The following PTPRN2 variants were observed in gnomAD, a reference collection of about 807,000 sequenced individuals.
PTPRN2 encodes protein tyrosine phosphatase receptor type N2, also known as receptor-type tyrosine-protein phosphatase N2.
A neutral mutation model predicts 118.8 loss-of-function variants in PTPRN2; 74 were observed. That is an observed-to-expected ratio of 0.62 (90% CI 0.52 to 0.76). The LOEUF is 0.76. Among genes scored for constraint, PTPRN2 ranks in the 30% least tolerant of loss-of-function variants. PTPRN2 has a pLI of 0.00. For synonymous variants in PTPRN2, 641 were observed against 608.0 expected (o/e 1.05, Z -0.80); for missense variants, 1,481 against 1,394.4 (o/e 1.06, Z -0.99).
intron 2 of PTPRN2, among the ~76,000 whole-genome samples, chr7:158,392,358 G>A (rs1811995123): frequency 6.6e-6 from 1 of 152,182 alleles, no homozygotes; most frequent in African/African-American, 2.4e-5. Context: ...GACCGTGGCT[G>A]AGCGGCAGGC....
chr7:157,615,931 C>T lies in PTPRN2; in HGVS notation c.2344+5431G>A. The T allele has an allele frequency of 3.7e-6, 1 of 269,578 alleles. No homozygotes were observed. Among genetic ancestry groups the T allele is most frequent in the Non-Finnish European group, 7.3e-6 (1 of 137,186 alleles). 16.7% of individuals were successfully genotyped at this position (269,578 alleles called of 1,614,324 possible). On this transcript the variant is annotated intron_variant, in intron 15 of 22. Transcript: ENST00000389418. This position sits in a 1 kb window ranked among gnomAD's most constrained non-coding sequence, Gnocchi z 4.3. ...AGCCGGCGCTGAGATGTGCACCTGG[C>T]AGGATGAACGTAACTTCTGGTGGAT...
chr7:157,559,016 C>T lies in PTPRN2; in HGVS notation c.2902+9886G>A, dbSNP rs570286203. On this transcript the variant is annotated intron_variant, in intron 21 of 22. Coordinates refer to ENST00000389418, the MANE Select transcript of PTPRN2 (RefSeq NM_002847.5). Reference sequence around the variant, plus strand: ...GGCCAAGGAGGGAGCCGAGGGGCCGCGTGACACTGCACGGGATCGCTGCCC... The same window carrying T: ...GGCCAAGGAGGGAGCCGAGGGGCCGTGTGACACTGCACGGGATCGCTGCCC... Among the ~76,000 whole-genome samples, 7 of 152,364 alleles carry T rather than the reference C, an allele frequency of 4.6e-5. No individual in the cohort carries two copies. In the South Asian group the frequency reaches 1.2e-3, roughly 27 times the overall value.
At chr7:158,138,556 C>T (rs534310021) in intron 6 of PTPRN2, 41 bp from the exon 7 acceptor site, 71 of 1,581,698 alleles carry the variant, frequency 4.5e-5, no homozygotes, top group East Asian at 1.6e-4. Flanking sequence ...TGTGGGTGGA[C>T]GAATGCAAAG....
At chr7:157,862,542 T>C (rs1457838954) in intron 12 of PTPRN2, 3 of 152,268 alleles carry the variant, frequency 2.0e-5, no homozygotes, top group African/African-American at 7.2e-5. Flanking sequence ...TCTCTCTTTT[T>C]AGAACAGAAA....
rs149881887 is a variant in PTPRN2, at chr7:158,527,017, A to G, written c.113-37232T>C. Among the ~76,000 whole-genome samples the G allele has an allele frequency of 2.0e-5, 3 of 152,254 alleles. No individual in the cohort carries two copies. The East Asian group carries it at 5.8e-4, about 29-fold the overall frequency. ...TAAAGGCATAACTTGTAACAACACAAGTTATGGTTTGTGACAAATATCACC... is the reference window on the plus strand; with the variant it reads ...TAAAGGCATAACTTGTAACAACACAGGTTATGGTTTGTGACAAATATCACC... On this transcript the variant is annotated intron_variant, in intron 1 of 22. Coordinates refer to ENST00000389418, the MANE Select transcript of PTPRN2 (RefSeq NM_002847.5).
At chr7:158,456,027 T>C (rs1043069570) in intron 2 of PTPRN2, among the ~76,000 whole-genome samples, 2 of 149,842 alleles carry the variant, frequency 1.3e-5, no homozygotes, top group Non-Finnish European at 3.0e-5. Context: ...ATGGACGCCA[T>C]CAGCCACAGC....
chr7:158,326,922 T>A (rs1280246944), intron 2 of PTPRN2, among the ~76,000 whole-genome samples: 1 of 137,046 alleles, frequency 7.3e-6, no homozygotes, highest in Non-Finnish European at 1.6e-5. Context: ...TGCTCACACG[T>A]TCTCACATGC....
chr7:157,816,724 T>C (rs1806423843), intron 12 of PTPRN2, among the ~76,000 whole-genome samples: 1 of 151,958 alleles, frequency 6.6e-6, no homozygotes, highest in Non-Finnish European at 1.5e-5. Context: ...TGGAAGCGGG[T>C]GGTGCGAGAC....
chr7:158,420,454 G>C (rs1222452367), intron 2 of PTPRN2, among the ~76,000 whole-genome samples: 1 of 152,194 alleles, frequency 6.6e-6, no homozygotes, highest in East Asian at 1.9e-4. Flanking sequence ...TCCAGCTTCA[G>C]GCACAGGGTC....
At position 157,986,946 on chromosome 7, in the gene PTPRN2, G is replaced by T. The variant is rs1043423290; in HGVS notation, c.1724-88209C>A. Among the ~76,000 whole-genome samples the T allele has an allele frequency of 2.0e-5, 3 of 152,132 alleles. No homozygotes were observed. The highest frequency in any genetic ancestry group is 2.1e-4 in the South Asian group (1 of 4,818). ...CATTTGCACGGTATCAGCTATAGCC[G>T]CAGTGAGAGGGAGGCTGCTGGACAC... On this transcript the variant is annotated intron_variant, in intron 11 of 22. Transcript: ENST00000389418. The surrounding 1 kb of genome is among the most constrained non-coding windows in gnomAD (Gnocchi z 4.5).
At chr7:157,855,955 G>A (rs1314729941) in intron 12 of PTPRN2, 1 of 152,216 alleles carries the variant, frequency 6.6e-6, no homozygotes, top group African/African-American at 2.4e-5. Flanking sequence ...GGAAGTGCAG[G>A]GTTATCTCAG....
intron 13 of PTPRN2, among the ~76,000 whole-genome samples, chr7:157,659,379 G>T (rs1477621249): frequency 1.2e-5 from 1 of 85,990 alleles, no homozygotes; most frequent in Non-Finnish European, 2.3e-5. Context: ...GGAAGGGGGG[G>T]ACGGCCGCGG....
At chr7:157,653,476 T>G (rs1392611675) in intron 14 of PTPRN2, among the ~76,000 whole-genome samples, 1 of 152,154 alleles carries the variant, frequency 6.6e-6, no homozygotes, top group Non-Finnish European at 1.5e-5. Context: ...CCAACCTGCA[T>G]GTGCTTTCTA....
intron 11 of PTPRN2, among the ~76,000 whole-genome samples, chr7:158,013,831 T>G (rs993614162): frequency 8.8e-6 from 1 of 113,662 alleles, no homozygotes; most frequent in South Asian, 3.8e-4. Context: ...CACCTACCCA[T>G]CCATCCATCC....
intron 3 of PTPRN2, among the ~76,000 whole-genome samples, chr7:158,273,911 G>A (rs1197293297): frequency 6.9e-6 from 1 of 144,490 alleles, no homozygotes; most frequent in Non-Finnish European, 1.5e-5. Context: ...GACAGACGCG[G>A]GAGGAGCCGC....
rs539057525 is a variant in PTPRN2 at position 157,722,444 on chromosome 7, C to T, written c.1789-39507G>A. On this transcript the variant is annotated intron_variant, in intron 12 of 22. Coordinates refer to ENST00000389418, the MANE Select transcript of PTPRN2 (RefSeq NM_002847.5). ...TCTCGAGGCAGAACCTGGGACCCAG[C>T]GCCCATGTCGGTGCAGTTGGGAAAG... 2.8e-4 allele frequency among the ~76,000 whole-genome samples: 42 copies of T among 152,062 alleles called. 1 individual carries two copies. The highest frequency in any genetic ancestry group is 1.1e-3 in the Admixed American group (17 of 15,290).
rs150835718 is a variant in PTPRN2, at chr7:157,817,506, C to T, written c.1788+81167G>A. ...CACCCCAGAGCCACCATCACGGCAC[C>T]GTTTCATCCCATCCAGTCCTCCCCA... On this transcript the variant is annotated intron_variant, in intron 12 of 22. Transcript: ENST00000389418. Among the ~76,000 whole-genome samples the T allele has an allele frequency of 4.1e-4, 62 of 152,260 alleles. No homozygotes were observed. In the South Asian group the frequency reaches 0.012, roughly 30 times the overall value.
At chr7:158,478,454 A>G (rs926224963) in intron 2 of PTPRN2, among the ~76,000 whole-genome samples, 1 of 152,204 alleles carries the variant, frequency 6.6e-6, no homozygotes, top group Non-Finnish European at 1.5e-5. Context: ...GTCGGTAACG[A>G]ATGAGGAGGC....
Position 157,809,923 on chromosome 7 carries a change from G to A in PTPRN2, c.1788+88750C>T, listed in dbSNP as rs1005009452. 5.0e-4 allele frequency among the ~76,000 whole-genome samples: 76 copies of A among 152,324 alleles called. 2 individuals are homozygous for A. The highest frequency in any genetic ancestry group is 1.8e-3 in the African/African-American group (75 of 41,554). On this transcript the variant is annotated intron_variant, in intron 12 of 22. Transcript: ENST00000389418. ...CTTGCTGTCCTTGAACAGGAGGCAG[G>A]TTCGGGGAACAGGACTGTAATGGGT... is the stretch of plus-strand genomic sequence containing the variant.
Sources: allele counts gnomAD v4.1 joint callset (sites outside exome capture counted in the v4.1 genomes callset), GRCh38; gene constraint gnomAD v4.1.1; non-coding constraint Gnocchi (gnomAD v3.1); transcripts MANE v1.5; gene names NCBI Gene and HGNC (gene_info 2026-07-23, HGNC 2026-07-21).